TSC2: variants seen among roughly 807,000 people sequenced by gnomAD.
TSC2 encodes the protein TSC complex subunit 2, also known as tuberin.
A neutral mutation model predicts 202.2 loss-of-function variants in TSC2; 29 were observed. The observed-to-expected ratio is 0.14, with a 90% CI of 0.11 to 0.20. The LOEUF (loss-of-function observed/expected upper bound fraction) is 0.20, where lower values mean the gene tolerates loss of function less well. Among genes scored for constraint, TSC2 ranks in the 10% least tolerant of loss-of-function variants. The pLI, the probability that TSC2 is intolerant of heterozygous loss-of-function variation, is 1.00. For synonymous variants in TSC2, 1,349 were observed against 1,044.0 expected (o/e 1.29, Z -5.63); for missense variants, 2,429 against 2,420.0 (o/e 1.00, Z -0.08).
intron 14 of TSC2, 128 bp from the exon 15 acceptor site, chr16:2,064,144 G>A: frequency 6.8e-7 from 1 of 1,474,548 alleles, no homozygotes; most frequent in South Asian, 1.1e-5. Flanking sequence ...TGTGCTCTCT[G>A]CCCAGCTGTG....
chr16:2,048,498 A>G, intron 1 of TSC2, 89 bp from the exon 2 acceptor site: 1 of 1,528,348 alleles, frequency 6.5e-7, no homozygotes, highest in Non-Finnish European at 9.0e-7. Context: ...CCCACCAGAG[A>G]CCCAGGGTCC....
chr16:2,078,985 C>T (rs1194818051), intron 26 of TSC2, 47 bp from the exon 27 acceptor site: 1 of 1,609,704 alleles, frequency 6.2e-7, no homozygotes, highest in Admixed American at 1.7e-5. Flanking sequence ...GGTGGCTCGG[C>T]CCGCCCTACC....
At chr16:2,072,828 A>G (rs1310187156) in intron 20 of TSC2, 21 bp from the exon 21 acceptor site, 1 of 1,613,328 alleles carries the variant, frequency 6.2e-7, no homozygotes, top group Admixed American at 1.7e-5. Context: ...GAGAGGTTTC[A>G]TGCCTGGATT....
At chr16:2,074,017 C>T (rs1000593901) in intron 21 of TSC2, among the ~76,000 whole-genome samples, 183 bp from the exon 22 acceptor site, 7 of 152,366 alleles carry the variant, frequency 4.6e-5, no homozygotes, top group Non-Finnish European at 8.8e-5. Flanking sequence ...TGCAACTGAC[C>T]GGAGCAGTCT....
chr16:2,062,090 G>A, intron 12 of TSC2, 82 bp downstream of exon 12: 1 of 1,591,824 alleles, frequency 6.3e-7, no homozygotes, highest in Admixed American at 1.8e-5. Context: ...AGCTTTCTGA[G>A]CCTCAGAAGC....
intron 14 of TSC2, 30 bp downstream of exon 14, chr16:2,063,083 C>T (rs2086841749): frequency 1.9e-6 from 3 of 1,550,542 alleles, no homozygotes; most frequent in East Asian, 2.4e-5. Flanking sequence ...CAGCTGGGGG[C>T]TCAGGGCTAT....
At position 2,083,804 on chromosome 16, in the gene TSC2, T is replaced by A. The variant is rs776049462; in HGVS notation, c.3993T>A (p.Asp1331Glu). 9.9e-6 allele frequency: 16 copies of A among 1,611,150 alleles called. No homozygotes were observed. In the Admixed American group the frequency reaches 2.0e-4, roughly 20 times the overall value. Residue 1331 changes from aspartate (D) to glutamate (E), a missense_variant, in exon 33 of 42, where the codon GAT becomes GAA. Asp to Glu is a conservative substitution (Grantham distance 45). Transcript: ENST00000219476. ...EAALGMDRRT[D>E]AYSRSSSVSS... ...CGCTAGGCATGGACAGGCGCACGGA[T>A]GCCTACAGCAGGGTGAGTGTGGCTC...
intron 13 of TSC2, 74 bp downstream of exon 13, chr16:2,062,674 G>A: frequency 2.0e-6 from 3 of 1,478,542 alleles, no homozygotes; most frequent in Non-Finnish European, 2.8e-6. Flanking sequence ...ACCCGGGCTG[G>A]GTCTCAGGAT....
rs1174276562 is a variant in TSC2, at chr16:2,062,956, G to A, written c.1362-16G>A. 6.5e-7 allele frequency: 1 copy of A among 1,548,948 alleles called. No homozygotes were observed. The highest frequency in any genetic ancestry group is 8.7e-7 in the Non-Finnish European group (1 of 1,146,700). On this transcript the variant is annotated splice_polypyrimidine_tract_variant and intron_variant, in intron 13 of 41. Transcript: ENST00000219476. ...CGGGCACTCCCCACCCGCCCCAGCA[G>A]GCTGCCGTCCCGCAGGAGCGAGTCC... is the stretch of plus-strand genomic sequence containing the variant.
rs2091192365 is a variant in TSC2, at chr16:2,088,471, A to G, written c.5285A>G (p.Asn1762Ser). 1 of 1,612,314 alleles carries G rather than the reference A, an allele frequency of 6.2e-7. No individual in the cohort carries two copies. The highest frequency in any genetic ancestry group is 8.5e-7 in the Non-Finnish European group (1 of 1,179,936). ...ATCTGCGAGGAAGCCGCCTACTCCA[A>G]CCCCAGCCTACCTCTGGTGCACCCT... ...QRICEEAAYSNPSLPLVHPPS... is the reference protein window; with the variant it reads ...QRICEEAAYSSPSLPLVHPPS... Residue 1762 changes from asparagine to serine, a missense_variant, in exon 42 of 42, where the codon AAC becomes AGC. Asn to Ser is a conservative substitution (Grantham distance 46, BLOSUM62 1). Transcript: ENST00000219476.
intron 8 of TSC2, 110 bp from the exon 9 acceptor site, chr16:2,056,995 G>GC: frequency 6.9e-7 from 1 of 1,453,314 alleles, no homozygotes; most frequent in Non-Finnish European, 9.4e-7. Context: ...TGGCGAGCTG[G>GC]CCGGACCTTG....
chr16:2,063,904 G>A (rs1041577482), intron 14 of TSC2: 9 of 391,462 alleles, frequency 2.3e-5, no homozygotes, highest in African/African-American at 6.2e-5. Flanking sequence ...ACATGCCCAC[G>A]CGTGCACACA....
intron 2 of TSC2, among the ~76,000 whole-genome samples, chr16:2,049,341 C>T (rs2084792021): frequency 6.6e-6 from 1 of 151,954 alleles, no homozygotes; most frequent in Non-Finnish European, 1.5e-5. Context: ...CCGCTTTGGC[C>T]TCCCAAAGTG....
In TSC2 at chr16:2,082,431, T is replaced by C; in HGVS notation, c.3815-5T>C. 3 of 1,612,570 alleles carry C rather than the reference T, an allele frequency of 1.9e-6. No homozygotes were observed. The highest frequency in any genetic ancestry group is 1.7e-6 in the Non-Finnish European group (2 of 1,179,990). ...GACGTGGCCGCACACGGCCTTCCCT[T>C]GCAGTGGCCTCTTTCTCCTCCCTGT... On this transcript the variant is annotated splice_polypyrimidine_tract_variant and splice_region_variant and intron_variant, in intron 31 of 41. Coordinates refer to ENST00000219476, the MANE Select transcript of TSC2 (RefSeq NM_000548.5).
intron 6 of TSC2, chr16:2,055,919 G>A (rs1745089069): frequency 2.3e-5 from 12 of 522,232 alleles, no homozygotes; most frequent in South Asian, 1.4e-4. Context: ...AGAGAAGTAC[G>A]TAGCTATCTT....
In TSC2 at chr16:2,075,908, A is replaced by G. The variant is rs1342417901; in HGVS notation, c.2639+16A>G. The G allele has an allele frequency of 6.2e-7, 1 of 1,613,000 alleles. No individual in the cohort carries two copies. Among genetic ancestry groups the G allele is most frequent in the Non-Finnish European group, 8.5e-7 (1 of 1,179,954 alleles). ...ACCCCTCCAAGTGAGTGGTCGCCCCAGGCCCTGTGCCTCCCAGCCGTGGCC... is the reference window on the plus strand; with the variant it reads ...ACCCCTCCAAGTGAGTGGTCGCCCCGGGCCCTGTGCCTCCCAGCCGTGGCC... On this transcript the variant is annotated intron_variant, in intron 23 of 41. Transcript: ENST00000219476.
In TSC2 at chr16:2,081,616, G is replaced by A; in HGVS notation, c.3632G>A (p.Ser1211Asn). 6.2e-7 allele frequency: 1 copy of A among 1,612,904 alleles called. No homozygotes were observed. The highest frequency in any genetic ancestry group is 2.2e-5 in the East Asian group (1 of 44,882). Residue 1211 changes from serine to asparagine, a missense_variant, in exon 31 of 42, where the codon AGC becomes AAC. Physicochemically the swap from Ser to Asn is conservative, Grantham distance 46. Transcript: ENST00000219476. ...RPTGNTSWLM[S>N]LENPLSPFSS... Reference sequence around the variant, plus strand: ...GCAGGGAACACCAGCTGGCTGATGAGCCTGGAGAACCCGCTCAGCCCTTTC... The same window carrying A: ...GCAGGGAACACCAGCTGGCTGATGAACCTGGAGAACCCGCTCAGCCCTTTC...
chr16:2,053,294 G>C, intron 3 of TSC2, 48 bp from the exon 4 acceptor site: 1 of 1,540,406 alleles, frequency 6.5e-7, no homozygotes, highest in Non-Finnish European at 8.8e-7. Flanking sequence ...CCGGGGCCAG[G>C]GTTCTTGGAG....
intron 3 of TSC2, among the ~76,000 whole-genome samples, chr16:2,052,059 T>A (rs990173460): frequency 1.3e-5 from 2 of 152,014 alleles, no homozygotes; most frequent in South Asian, 4.1e-4. Context: ...AGCAAGACTG[T>A]CTCAGAAAAC....
Sources: gnomAD v4.1 joint callset for allele counts (sites outside exome capture counted in the v4.1 genomes callset) on GRCh38, gnomAD v4.1.1 for gene constraint, MANE v1.5 for transcripts, NCBI Gene and HGNC (gene_info 2026-07-23, HGNC 2026-07-21) for gene names.